The following DCC variants were observed in gnomAD, a reference collection of about 807,000 sequenced individuals.
DCC encodes DCC netrin 1 receptor, also known as netrin receptor DCC.
A neutral mutation model predicts 172.5 loss-of-function variants in DCC; 58 were observed. The observed-to-expected ratio is 0.34, with a 90% CI of 0.27 to 0.42. The LOEUF is 0.42. Ranked by LOEUF, DCC falls within the 10% of genes least tolerant of loss-of-function variation. The pLI, the probability that DCC is intolerant of heterozygous loss-of-function variation, is 1.00. For missense variants in DCC, 1,740 were observed against 1,791.0 expected (o/e 0.97, Z 0.51); for synonymous variants, 709 against 644.5 (o/e 1.10, Z -1.52).
chr18:52,850,118 G>C (rs112648558), intron 2 of DCC, among the ~76,000 whole-genome samples: 1 of 152,156 alleles, frequency 6.6e-6, no homozygotes, highest in Non-Finnish European at 1.5e-5. Context: ...TTAAGCTACA[G>C]ATTTATTTCT....
At chr18:53,024,441 CATT>C (rs1356002335) in intron 5 of DCC, among the ~76,000 whole-genome samples, 1 of 152,122 alleles carries the variant, frequency 6.6e-6, no homozygotes, top group African/African-American at 2.4e-5. Context: ...AAATATGTTA[CATT>C]TGCATAGCTC....
chr18:53,432,154 G>A (rs990151357), intron 21 of DCC, among the ~76,000 whole-genome samples: 7 of 151,994 alleles, frequency 4.6e-5, no homozygotes, highest in African/African-American at 1.7e-4. Context: ...TAATTAAAAA[G>A]CATTTTTAAT....
chr18:53,462,356 C>G (rs945098429), intron 24 of DCC, among the ~76,000 whole-genome samples: 4 of 152,044 alleles, frequency 2.6e-5, no homozygotes, highest in Non-Finnish European at 5.9e-5. Flanking sequence ...AGACCAGCAG[C>G]AGCACTGGAT....
At chr18:52,507,193 T>C (rs1161621772) in intron 1 of DCC, among the ~76,000 whole-genome samples, 1 of 152,166 alleles carries the variant, frequency 6.6e-6, no homozygotes. Context: ...TAGTATTTGG[T>C]TCCCCCTTGT....
chr18:52,421,700 G>T (rs540965527), intron 1 of DCC, among the ~76,000 whole-genome samples: 1 of 152,212 alleles, frequency 6.6e-6, no homozygotes, highest in Non-Finnish European at 1.5e-5. Flanking sequence ...GGCATGAGAA[G>T]CATTCTTGAT....
intron 1 of DCC, among the ~76,000 whole-genome samples, chr18:52,675,261 T>C (rs1257183009): frequency 6.6e-6 from 1 of 152,112 alleles, no homozygotes; most frequent in Non-Finnish European, 1.5e-5. Flanking sequence ...AATTTCACCA[T>C]GTTGGCCAGG....
chr18:53,284,110 C>A (rs574903079), intron 12 of DCC, among the ~76,000 whole-genome samples: 21 of 152,016 alleles, frequency 1.4e-4, no homozygotes, highest in Non-Finnish European at 2.8e-4. Flanking sequence ...TTTTACTAAC[C>A]CCTACCTGCA....
rs1198142848 is a variant in DCC, at chr18:52,406,305, AG to A, written c.91+65428del. 2.0e-5 allele frequency among the ~76,000 whole-genome samples: 3 copies of A among 149,208 alleles called. No individual in the cohort carries two copies. The East Asian group carries it at 5.9e-4, about 29-fold the overall frequency. Reference sequence around the variant, plus strand: ...AAACACCAAAAGCAATGGCAACAAAAGCCAAAATTGACAAATGGGATCTAAT... The same window carrying A: ...AAACACCAAAAGCAATGGCAACAAAACCAAAATTGACAAATGGGATCTAAT... On this transcript the variant is annotated intron_variant, in intron 1 of 28. Coordinates refer to ENST00000442544, the MANE Select transcript of DCC (RefSeq NM_005215.4).
intron 1 of DCC, among the ~76,000 whole-genome samples, chr18:52,565,332 T>A (rs1290684424): frequency 6.6e-6 from 1 of 152,160 alleles, no homozygotes; most frequent in Non-Finnish European, 1.5e-5. Context: ...GTAGAATGAT[T>A]TATAATCCTT....
intron 1 of DCC, among the ~76,000 whole-genome samples, chr18:52,617,309 A>G (rs756168380): frequency 6.6e-6 from 1 of 152,162 alleles, no homozygotes; most frequent in Non-Finnish European, 1.5e-5. Context: ...AGTTGAGGGC[A>G]CTCACTCTTG....
At chr18:53,147,226 A>AGT (rs2043929182) in intron 7 of DCC, among the ~76,000 whole-genome samples, 1 of 152,160 alleles carries the variant, frequency 6.6e-6, no homozygotes, top group South Asian at 2.1e-4. Context: ...GAGCTACATG[A>AGT]GTGATGACTC....
At chr18:52,742,528 T>A (rs919424567) in intron 1 of DCC, among the ~76,000 whole-genome samples, 10 of 152,088 alleles carry the variant, frequency 6.6e-5, no homozygotes, top group African/African-American at 2.4e-4. Flanking sequence ...AAATATTAGG[T>A]GGATGAAGGA....
At chr18:52,473,871 T>C (rs1989015030) in intron 1 of DCC, among the ~76,000 whole-genome samples, 1 of 152,060 alleles carries the variant, frequency 6.6e-6, no homozygotes, top group African/African-American at 2.4e-5. Flanking sequence ...CAATCCCTCC[T>C]ATCAGTGACT....
chr18:53,082,774 T>C (rs866690635), intron 7 of DCC, among the ~76,000 whole-genome samples: 7 of 152,088 alleles, frequency 4.6e-5, no homozygotes, highest in Non-Finnish European at 1.0e-4. Context: ...CATGCTAACT[T>C]TATTATATCT....
At chr18:52,623,726 C>A (rs997578355) in intron 1 of DCC, among the ~76,000 whole-genome samples, 4 of 152,182 alleles carry the variant, frequency 2.6e-5, no homozygotes, top group East Asian at 3.9e-4. Flanking sequence ...GTTCTATTTT[C>A]TTTTTCTATC....
chr18:53,240,383 TCTC>T (rs1439565634), intron 12 of DCC, among the ~76,000 whole-genome samples: 1 of 152,148 alleles, frequency 6.6e-6, no homozygotes, highest in Non-Finnish European at 1.5e-5. Context: ...TCAACAATCA[TCTC>T]TGTGATTGTC....
chr18:53,183,066 T>A (rs915165013), intron 9 of DCC, among the ~76,000 whole-genome samples: 2 of 152,164 alleles, frequency 1.3e-5, no homozygotes, highest in African/African-American at 2.4e-5. Flanking sequence ...GTAGTAATTG[T>A]ACACTAAAAT....
chr18:53,507,350 A>G (rs1422832635), intron 27 of DCC, among the ~76,000 whole-genome samples: 1 of 152,234 alleles, frequency 6.6e-6, no homozygotes, highest in Non-Finnish European at 1.5e-5. Flanking sequence ...GTCATATTAA[A>G]CAGTTTAACC....
chr18:52,697,699 T>G (rs1415824359), intron 1 of DCC, among the ~76,000 whole-genome samples: 1 of 152,206 alleles, frequency 6.6e-6, no homozygotes, highest in African/African-American at 2.4e-5. Flanking sequence ...TGTATAGACA[T>G]AGATATAAGT....
Sources: gnomAD v4.1 joint callset for allele counts (sites outside exome capture counted in the v4.1 genomes callset) on GRCh38, gnomAD v4.1.1 for gene constraint, MANE v1.5 for transcripts, NCBI Gene and HGNC (gene_info 2026-07-23, HGNC 2026-07-21) for gene names.